KIAA1217: variants seen among roughly 807,000 people sequenced by gnomAD.
The protein encoded by KIAA1217 is KIAA1217.
A neutral mutation model predicts 163.9 loss-of-function variants in KIAA1217; 88 were observed. That is an observed-to-expected ratio of 0.54 (90% CI 0.45 to 0.64). KIAA1217 has a LOEUF of 0.64. Among genes scored for constraint, KIAA1217 ranks in the 30% least tolerant of loss-of-function variants. The pLI, the probability that KIAA1217 is intolerant of heterozygous loss-of-function variation, is 0.00. For synonymous variants in KIAA1217, 903 were observed against 923.1 expected, an observed-to-expected ratio of 0.98 and a Z score of 0.39; for missense variants, 2,372 against 2,475.0, an observed-to-expected ratio of 0.96 and a Z score of 0.88.
intron 2 of KIAA1217, among the ~76,000 whole-genome samples, chr10:24,268,046 A>G (rs986425023): frequency 6.6e-6 from 1 of 152,196 alleles, no homozygotes; most frequent in African/African-American, 2.4e-5. Context: ...TCCAGCAGTT[A>G]GTTCATCATC....
intron 1 of KIAA1217, among the ~76,000 whole-genome samples, chr10:24,211,066 C>G (rs1444970991): frequency 6.6e-6 from 1 of 151,790 alleles, no homozygotes; most frequent in Non-Finnish European, 1.5e-5. Flanking sequence ...ATCTGGCAAC[C>G]CTATTTGATG....
intron 2 of KIAA1217, among the ~76,000 whole-genome samples, chr10:24,190,724 T>G (rs866328892): frequency 1.8e-4 from 28 of 152,142 alleles, no homozygotes; most frequent in African/African-American, 6.8e-4. Context: ...TTAACACCTT[T>G]CCATCCTTTG....
chr10:23,751,146 G>T (rs919430843), intron 1 of KIAA1217, among the ~76,000 whole-genome samples: 1 of 151,994 alleles, frequency 6.6e-6, no homozygotes, highest in Non-Finnish European at 1.5e-5. Context: ...TTGTGCCTCA[G>T]CCTCCCGAGT....
chr10:23,764,456 A>T (rs1834413124), intron 1 of KIAA1217, among the ~76,000 whole-genome samples: 1 of 152,216 alleles, frequency 6.6e-6, no homozygotes, highest in African/African-American at 2.4e-5. Flanking sequence ...TATGTACTCA[A>T]AGGACTATAA....
At chr10:23,915,413 A>T (rs891204432) in intron 1 of KIAA1217, among the ~76,000 whole-genome samples, 3 of 152,082 alleles carry the variant, frequency 2.0e-5, no homozygotes, top group African/African-American at 7.2e-5. Flanking sequence ...TATTGTTTTA[A>T]TATTGTAGAG....
At chr10:24,534,881 CAAAAAAAAAAA>C (rs71506838) in intron 16 of KIAA1217, among the ~76,000 whole-genome samples, 1 of 71,844 alleles carries the variant, frequency 1.4e-5, no homozygotes, top group African/African-American at 5.6e-5. Flanking sequence ...AACTCTGTCT[CAAAAAAAAAAA>C]AAAAAAAAAA....
chr10:23,806,866 G>T (rs149153703), intron 1 of KIAA1217, among the ~76,000 whole-genome samples: 1 of 152,158 alleles, frequency 6.6e-6, no homozygotes, highest in Middle Eastern at 3.2e-3. Flanking sequence ...GGTTCCTAAG[G>T]TGCTTCCCAC....
At chr10:24,183,708 T>G (rs1024931487) in intron 2 of KIAA1217, among the ~76,000 whole-genome samples, 1 of 152,240 alleles carries the variant, frequency 6.6e-6, no homozygotes, top group Non-Finnish European at 1.5e-5. Flanking sequence ...CTCTCTATTT[T>G]AGGAAACAAC....
chr10:24,335,640 C>A (rs1045298371), intron 2 of KIAA1217, among the ~76,000 whole-genome samples: 1 of 125,044 alleles, frequency 8.0e-6, no homozygotes, highest in Admixed American at 8.0e-5. Flanking sequence ...GATGGAGTCT[C>A]GTTCTGTCGC....
chr10:24,361,169 C>CG (rs1250409378), intron 2 of KIAA1217, among the ~76,000 whole-genome samples: 1 of 125,110 alleles, frequency 8.0e-6, no homozygotes, highest in South Asian at 2.7e-4. Context: ...AAGCACATGC[C>CG]ATTTTTTTTT....
At chr10:24,390,762 G>T (rs905576861) in intron 3 of KIAA1217, among the ~76,000 whole-genome samples, 1 of 152,132 alleles carries the variant, frequency 6.6e-6, no homozygotes, top group Non-Finnish European at 1.5e-5. Flanking sequence ...CCATTGTAAG[G>T]AATATGTCAA....
intron 1 of KIAA1217, among the ~76,000 whole-genome samples, chr10:23,698,163 G>T (rs1282477760): frequency 6.6e-6 from 1 of 152,140 alleles, no homozygotes; most frequent in Admixed American, 6.5e-5. Context: ...TTGGGGCTTT[G>T]TATTCTGTAG....
At chr10:24,049,129 A>G (rs2131577922) in intron 2 of KIAA1217, among the ~76,000 whole-genome samples, 1 of 151,950 alleles carries the variant, frequency 6.6e-6, no homozygotes, top group South Asian at 2.1e-4. Context: ...TTCTTCCTAG[A>G]TTCTGTTGAA....
At chr10:24,101,877 C>T (rs1470711952) in intron 2 of KIAA1217, among the ~76,000 whole-genome samples, 1 of 152,026 alleles carries the variant, frequency 6.6e-6, no homozygotes, top group Non-Finnish European at 1.5e-5. Flanking sequence ...TAAAATGTGA[C>T]ATATCCAGTG....
At chr10:24,423,087 T>C (rs901382809) in intron 3 of KIAA1217, among the ~76,000 whole-genome samples, 3 of 151,526 alleles carry the variant, frequency 2.0e-5, no homozygotes, top group African/African-American at 7.3e-5. Context: ...TTTTTGTATT[T>C]TTAGTAGAGA....
intron 1 of KIAA1217, among the ~76,000 whole-genome samples, chr10:23,837,021 C>A (rs1253386469): frequency 6.6e-6 from 1 of 152,138 alleles, no homozygotes; most frequent in Non-Finnish European, 1.5e-5. Context: ...TGCCCAGCAA[C>A]CCCTCCAAAT....
intron 2 of KIAA1217, among the ~76,000 whole-genome samples, chr10:24,125,352 G>A (rs2063434176): frequency 6.7e-6 from 1 of 148,534 alleles, no homozygotes; most frequent in African/African-American, 2.6e-5. Context: ...GTGTGTGTGT[G>A]TGTGTGTGTG....
intron 1 of KIAA1217, among the ~76,000 whole-genome samples, chr10:23,712,777 T>C (rs1049169863): frequency 2.6e-5 from 4 of 152,150 alleles, no homozygotes; most frequent in Non-Finnish European, 4.4e-5. Flanking sequence ...TGTTATCTAA[T>C]TACTAATAGC....
intron 1 of KIAA1217, among the ~76,000 whole-genome samples, chr10:23,759,457 T>A (rs1250468564): frequency 6.6e-6 from 1 of 152,216 alleles, no homozygotes; most frequent in East Asian, 1.9e-4. Flanking sequence ...TGAATAGAAG[T>A]GGAAAAGTGG....
Sources: allele counts gnomAD v4.1 joint callset (sites outside exome capture counted in the v4.1 genomes callset), GRCh38; gene constraint gnomAD v4.1.1; transcripts MANE v1.5; gene names NCBI Gene and HGNC (gene_info 2026-07-23, HGNC 2026-07-21).